Variants in KCNH7 observed in about 807,000 individuals in gnomAD.
KCNH7 encodes the protein potassium voltage-gated channel subfamily H member 7, also known as voltage-gated inwardly rectifying potassium channel KCNH7.
KCNH7 carries 49 observed loss-of-function variants against 120.8 expected under a neutral mutation model. That is an observed-to-expected ratio of 0.41 (90% confidence interval 0.32 to 0.51). The LOEUF (loss-of-function observed/expected upper bound fraction) is 0.51. KCNH7 is among the 20% of genes least tolerant of loss of function. The pLI, the probability that KCNH7 is intolerant of heterozygous loss-of-function variation, is 0.38. For synonymous variants in KCNH7, 547 were observed against 516.1 expected, an observed-to-expected ratio of 1.06 and a Z score of -0.81; for missense variants, 1,097 against 1,446.6, an observed-to-expected ratio of 0.76 and a Z score of 3.92.
At chr2:162,377,489 C>T (rs1193324717) in intron 14 of KCNH7, among the ~76,000 whole-genome samples, 1 of 152,110 alleles carries the variant, frequency 6.6e-6, no homozygotes, top group Non-Finnish European at 1.5e-5. Context: ...ATGAGGAGGA[C>T]TACATAATTG....
At chr2:162,673,065 C>T (rs1309833819) in intron 2 of KCNH7, among the ~76,000 whole-genome samples, 1 of 151,892 alleles carries the variant, frequency 6.6e-6, no homozygotes, top group African/African-American at 2.4e-5. Flanking sequence ...ATAATAGTTC[C>T]ACATGCAACC....
chr2:162,767,457 GT>G (rs1682866113), intron 2 of KCNH7, among the ~76,000 whole-genome samples: 1 of 152,020 alleles, frequency 6.6e-6, no homozygotes, highest in Non-Finnish European at 1.5e-5. Flanking sequence ...GTGGAAAGAG[GT>G]TTTTCAGTGC....
chr2:162,458,974 T>C (rs1241195624), intron 6 of KCNH7, among the ~76,000 whole-genome samples: 1 of 150,124 alleles, frequency 6.7e-6, no homozygotes, highest in Non-Finnish European at 1.5e-5. Flanking sequence ...ACCACTGCAT[T>C]CCAGTCTGGG....
At chr2:162,448,219 T>C (rs1396489560) in intron 6 of KCNH7, among the ~76,000 whole-genome samples, 1 of 152,216 alleles carries the variant, frequency 6.6e-6, no homozygotes, top group African/African-American at 2.4e-5. Context: ...TACAGATTAA[T>C]AGAACTCTGA....
chr2:162,390,352 A>C (rs560965918), intron 12 of KCNH7, among the ~76,000 whole-genome samples: 8 of 151,626 alleles, frequency 5.3e-5, no homozygotes, highest in Admixed American at 4.0e-4. Context: ...ATGCTATTTT[A>C]CAAATATACC....
At chr2:162,673,157 G>A (rs1360644879) in intron 2 of KCNH7, among the ~76,000 whole-genome samples, 1 of 151,698 alleles carries the variant, frequency 6.6e-6, no homozygotes, top group Non-Finnish European at 1.5e-5. Context: ...TTCTACAAAA[G>A]GATTATATAA....
chr2:162,374,253 G>A (rs1398109173), intron 14 of KCNH7, among the ~76,000 whole-genome samples: 1 of 152,080 alleles, frequency 6.6e-6, no homozygotes, highest in Non-Finnish European at 1.5e-5. Flanking sequence ...CCTTTGGTAT[G>A]TAAGAAGCAG....
chr2:162,386,988 T>C (rs1686592672), intron 12 of KCNH7, among the ~76,000 whole-genome samples: 1 of 151,576 alleles, frequency 6.6e-6, no homozygotes, highest in Admixed American at 6.6e-5. Context: ...TATTTAGTTG[T>C]ATAGTAAAAT....
At chr2:162,530,285 C>T (rs1024763455) in intron 3 of KCNH7, among the ~76,000 whole-genome samples, 1 of 152,140 alleles carries the variant, frequency 6.6e-6, no homozygotes, top group East Asian at 2.0e-4. Context: ...TTTAATACCT[C>T]CCTTTGTTTG....
chr2:162,806,763 C>T (rs929916420), intron 2 of KCNH7, among the ~76,000 whole-genome samples: 8 of 151,868 alleles, frequency 5.3e-5, no homozygotes, highest in Non-Finnish European at 8.8e-5. Flanking sequence ...TTTGTGGTTT[C>T]GGTAAATCTG....
intron 2 of KCNH7, among the ~76,000 whole-genome samples, chr2:162,812,439 G>A (rs1243448080): frequency 6.6e-6 from 1 of 152,066 alleles, no homozygotes; most frequent in Non-Finnish European, 1.5e-5. Context: ...AGCAAAAGTA[G>A]AGACTGGCTT....
chr2:162,548,529 A>G (rs1692555850), intron 2 of KCNH7, among the ~76,000 whole-genome samples: 1 of 152,092 alleles, frequency 6.6e-6, no homozygotes, highest in African/African-American at 2.4e-5. Flanking sequence ...GCTATTGTCC[A>G]TTTCTACATT....
At chr2:162,487,301 G>T (rs969046313) in intron 6 of KCNH7, among the ~76,000 whole-genome samples, 10 of 152,182 alleles carry the variant, frequency 6.6e-5, no homozygotes, top group African/African-American at 2.4e-4. Flanking sequence ...ACAAGTCTTT[G>T]CTGGATTATC....
intron 2 of KCNH7, among the ~76,000 whole-genome samples, chr2:162,608,420 C>T (rs550343190): frequency 7.9e-5 from 12 of 152,190 alleles, no homozygotes; most frequent in South Asian, 6.2e-4. Context: ...ATAATGTGGG[C>T]GCAGTTCTGT....
chr2:162,435,289 G>A lies in KCNH7; in HGVS notation c.1863C>T (p.Thr621=). Residue 621 remains threonine, a synonymous_variant, in exon 8 of 16, where the codon ACC becomes ACT. Transcript: ENST00000332142. ...KDKYVTALYF[T]FSSLTSVGFG... Reference sequence around the variant, plus strand: ...ATCCTACACTGGTTAAACTGCTGAAGGTAAAATAAAGTGCTGTGACGTATT... The same window carrying A: ...ATCCTACACTGGTTAAACTGCTGAAAGTAAAATAAAGTGCTGTGACGTATT... 1 of 1,613,840 alleles carries A rather than the reference G, an allele frequency of 6.2e-7. No individual in the cohort carries two copies. Among genetic ancestry groups the A allele is most frequent in the Non-Finnish European group, 8.5e-7 (1 of 1,179,822 alleles).
chr2:162,638,194 T>A (rs969809061), intron 2 of KCNH7, among the ~76,000 whole-genome samples: 1 of 152,096 alleles, frequency 6.6e-6, no homozygotes, highest in Non-Finnish European at 1.5e-5. Context: ...AAAGTGCTTA[T>A]GGTCAATGAC....
intron 2 of KCNH7, among the ~76,000 whole-genome samples, chr2:162,788,042 G>T: frequency 6.7e-6 from 1 of 148,998 alleles, no homozygotes; most frequent in African/African-American, 2.6e-5. Context: ...TTCTTCAAAT[G>T]ATAAGATACC....
intron 6 of KCNH7, among the ~76,000 whole-genome samples, chr2:162,451,510 T>A (rs1369507743): frequency 6.6e-6 from 1 of 152,004 alleles, no homozygotes; most frequent in Non-Finnish European, 1.5e-5. Flanking sequence ...TTTAGGCAGG[T>A]CTTGGCTAGT....
intron 2 of KCNH7, among the ~76,000 whole-genome samples, chr2:162,563,362 T>A (rs960996995): frequency 6.6e-6 from 1 of 152,210 alleles, no homozygotes; most frequent in Admixed American, 6.5e-5. Context: ...TACATTTTAA[T>A]TACTTTACCT....
Sources: gnomAD v4.1 joint callset for allele counts (sites outside exome capture counted in the v4.1 genomes callset) on GRCh38, gnomAD v4.1.1 for gene constraint, MANE v1.5 for transcripts, NCBI Gene and HGNC (gene_info 2026-07-23, HGNC 2026-07-21) for gene names.